The following CDH13 variants were observed in gnomAD, a reference collection of about 807,000 sequenced individuals.
CDH13 encodes cadherin-13.
Under a neutral mutation model 63.8 loss-of-function variants are expected in CDH13, and 24 were observed. That is an observed-to-expected ratio of 0.38 (90% CI 0.27 to 0.53). CDH13 has a LOEUF of 0.53. Ranked by LOEUF, CDH13 falls within the 20% of genes least tolerant of loss-of-function variation. CDH13 has a pLI of 0.85. For synonymous variants in CDH13, 503 were observed against 355.3 expected (o/e 1.42, Z -4.67); for missense variants, 1,049 against 903.1 (o/e 1.16, Z -2.07).
chr16:83,132,450 CCCCT>C (rs2036096709), intron 4 of CDH13, among the ~76,000 whole-genome samples: 4 of 101,016 alleles, frequency 4.0e-5, no homozygotes, highest in African/African-American at 1.2e-4. Context: ...CCAACACCCC[CCCCT>C]TTTTTTTTTT....
intron 1 of CDH13, among the ~76,000 whole-genome samples, chr16:82,651,078 A>G (rs1236573632): frequency 6.6e-6 from 1 of 152,202 alleles, no homozygotes; most frequent in Admixed American, 6.5e-5. Flanking sequence ...GAACCCTGAG[A>G]AAGACTATCA....
intron 1 of CDH13, among the ~76,000 whole-genome samples, chr16:82,760,513 T>C (rs183810562): frequency 6.6e-6 from 1 of 152,280 alleles, no homozygotes; most frequent in Admixed American, 6.5e-5. Context: ...AGATTCATAG[T>C]TTGGACCCTG....
At chr16:83,407,827 C>CT (rs71382875) in intron 6 of CDH13, among the ~76,000 whole-genome samples, 8,385 of 152,262 alleles carry the variant, frequency 0.055, 218 homozygotes, top group Non-Finnish European at 0.062. Context: ...CATCTGTTTT[C>CT]TTTTTGTAAT....
intron 1 of CDH13, among the ~76,000 whole-genome samples, chr16:82,780,343 C>T (rs1462833362): frequency 6.6e-6 from 1 of 152,128 alleles, no homozygotes; most frequent in African/African-American, 2.4e-5. Context: ...CTCCCTTGCT[C>T]TCTGATAAAA....
chr16:82,909,125 G>A (rs1168726513), intron 2 of CDH13, among the ~76,000 whole-genome samples: 1 of 152,030 alleles, frequency 6.6e-6, no homozygotes, highest in African/African-American at 2.4e-5. Flanking sequence ...TAGTTGTACT[G>A]TATTTTAAAA....
chr16:83,416,892 A>G (rs2151464656), intron 6 of CDH13, among the ~76,000 whole-genome samples: 1 of 152,292 alleles, frequency 6.6e-6, no homozygotes, highest in South Asian at 2.1e-4. Flanking sequence ...AATTATTGAA[A>G]TGGTTATGCT....
intron 1 of CDH13, among the ~76,000 whole-genome samples, chr16:82,649,481 C>G (rs1910478974): frequency 6.6e-6 from 1 of 152,164 alleles, no homozygotes; most frequent in Admixed American, 6.5e-5. Context: ...CTAGATTCAA[C>G]AAAAAGAACC....
chr16:82,649,725 C>T (rs1478274949), intron 1 of CDH13, among the ~76,000 whole-genome samples: 2 of 151,992 alleles, frequency 1.3e-5, no homozygotes. Context: ...GGTAAGAAGA[C>T]ATGGAAAAAT....
At chr16:82,706,956 T>C (rs1467449794) in intron 1 of CDH13, among the ~76,000 whole-genome samples, 2 of 152,218 alleles carry the variant, frequency 1.3e-5, no homozygotes, top group African/African-American at 2.4e-5. Flanking sequence ...ATAAAATTAT[T>C]CTGCCTTCAG....
intron 7 of CDH13, among the ~76,000 whole-genome samples, chr16:83,600,406 T>C (rs1202796304): frequency 1.3e-5 from 2 of 152,160 alleles, no homozygotes; most frequent in Non-Finnish European, 2.9e-5. Flanking sequence ...CTTAAAATAG[T>C]AGCTCAGAAA....
intron 4 of CDH13, among the ~76,000 whole-genome samples, chr16:83,139,542 T>G (rs1380214343): frequency 6.6e-6 from 1 of 152,222 alleles, no homozygotes. Context: ...TTGAAATTCA[T>G]CACAAGTGGT....
chr16:82,918,477 C>T lies in CDH13; in HGVS notation c.157+60004C>T, dbSNP rs139810997. The stretch of plus-strand genomic sequence containing the variant: ...ATAAGTTCCTAGAAATAGGATGTCT[C>T]TCTGGGTCAAAAGGTATGTACACTT... On this transcript the variant is annotated intron_variant, in intron 2 of 13. Coordinates refer to ENST00000567109, the MANE Select transcript of CDH13 (RefSeq NM_001257.5). Among the ~76,000 whole-genome samples the T allele has an allele frequency of 4.1e-3, 604 of 148,588 alleles. 5 individuals carry two copies. Among genetic ancestry groups the T allele is most frequent in the Admixed American group, 7.0e-3 (104 of 14,964 alleles).
chr16:83,719,435 C>CA (rs1433532710), intron 10 of CDH13, among the ~76,000 whole-genome samples: 1 of 150,128 alleles, frequency 6.7e-6, no homozygotes, highest in African/African-American at 2.4e-5. Flanking sequence ...GTCACTCACC[C>CA]ACGGCCCTCT....
intron 1 of CDH13, among the ~76,000 whole-genome samples, chr16:82,679,450 T>C (rs1914303053): frequency 6.6e-6 from 1 of 152,186 alleles, no homozygotes; most frequent in Non-Finnish European, 1.5e-5. Context: ...CTAAAATGGC[T>C]TGTGAGCATG....
chr16:83,101,167 A>T (rs1044085553), intron 3 of CDH13, among the ~76,000 whole-genome samples: 1 of 151,564 alleles, frequency 6.6e-6, no homozygotes, highest in African/African-American at 2.4e-5. Flanking sequence ...ATATATTTAT[A>T]TATCATTTGT....
chr16:82,890,432 A>C (rs1468600048), intron 2 of CDH13, among the ~76,000 whole-genome samples: 1 of 152,104 alleles, frequency 6.6e-6, no homozygotes, highest in African/African-American at 2.4e-5. Context: ...CTCTTTAAAA[A>C]CGATTCCTTT....
At chr16:83,754,854 A>T (rs573870547) in intron 11 of CDH13, among the ~76,000 whole-genome samples, 1 of 152,254 alleles carries the variant, frequency 6.6e-6, no homozygotes, top group East Asian at 1.9e-4. Flanking sequence ...ATGGACTAAT[A>T]CATCATCCTA....
intron 1 of CDH13, among the ~76,000 whole-genome samples, chr16:82,811,580 G>C (rs978399529): frequency 6.6e-6 from 1 of 152,054 alleles, no homozygotes; most frequent in Non-Finnish European, 1.5e-5. Flanking sequence ...TGAAAATAAG[G>C]GTGCATTTTT....
intron 4 of CDH13, chr16:83,180,874 C>A: frequency 6.6e-7 from 1 of 1,521,906 alleles, no homozygotes; most frequent in Non-Finnish European, 8.8e-7. Context: ...TTACAGAGAA[C>A]CCACAATCCT....
Sources: gnomAD v4.1 joint callset for allele counts (sites outside exome capture counted in the v4.1 genomes callset) on GRCh38, gnomAD v4.1.1 for gene constraint, MANE v1.5 for transcripts, NCBI Gene and HGNC (gene_info 2026-07-23, HGNC 2026-07-21) for gene names.